The following ZNF385D variants were observed in gnomAD, a reference collection of about 807,000 sequenced individuals.
The protein encoded by ZNF385D is zinc finger protein 659.
In ZNF385D, 15 loss-of-function variants were observed where a neutral mutation model predicts 35.8. The observed-to-expected ratio is 0.42, with a 90% CI of 0.28 to 0.64. ZNF385D has a LOEUF of 0.64. Ranked by LOEUF, ZNF385D falls within the 30% of genes least tolerant of loss-of-function variation. The pLI, the probability that ZNF385D is intolerant of heterozygous loss-of-function variation, is 0.23. For missense variants in ZNF385D, 474 were observed against 494.6 expected (o/e 0.96, Z 0.39); for synonymous variants, 212 against 186.8 (o/e 1.13, Z -1.10).
chr3:22,226,235 T>C (rs1031202107), intron 2 of ZNF385D, among the ~76,000 whole-genome samples: 1 of 152,176 alleles, frequency 6.6e-6, no homozygotes, highest in Non-Finnish European at 1.5e-5. Flanking sequence ...AGTATTCACT[T>C]TTACCACAGC....
At chr3:22,315,463 T>A (rs932598412) in intron 2 of ZNF385D, among the ~76,000 whole-genome samples, 1 of 152,218 alleles carries the variant, frequency 6.6e-6, no homozygotes, top group Non-Finnish European at 1.5e-5. Flanking sequence ...ACACAGTTTA[T>A]GTTACACAAA....
chr3:22,187,600 A>G (rs1031046975), intron 2 of ZNF385D, among the ~76,000 whole-genome samples: 25 of 152,152 alleles, frequency 1.6e-4, no homozygotes, highest in Non-Finnish European at 3.5e-4. Flanking sequence ...AAGGGAACAA[A>G]GTTCTCATGA....
chr3:21,666,740 T>C (rs1385379419), intron 1 of ZNF385D, among the ~76,000 whole-genome samples: 1 of 152,196 alleles, frequency 6.6e-6, no homozygotes, highest in Admixed American at 6.5e-5. Context: ...TTATTAAAAA[T>C]TTTAAAAACC....
At chr3:22,137,304 C>A (rs2125696816) in intron 3 of ZNF385D, among the ~76,000 whole-genome samples, 1 of 152,214 alleles carries the variant, frequency 6.6e-6, no homozygotes, top group Admixed American at 6.5e-5. Context: ...CGAGGGAATC[C>A]TCCCTAACTC....
At chr3:21,652,709 G>A (rs570999775) in intron 2 of ZNF385D, among the ~76,000 whole-genome samples, 1 of 148,554 alleles carries the variant, frequency 6.7e-6, no homozygotes, top group East Asian at 2.0e-4. Context: ...CCACCTATGA[G>A]TGAGAACATG....
intron 3 of ZNF385D, among the ~76,000 whole-genome samples, chr3:22,139,061 T>C (rs549640341): frequency 6.0e-4 from 91 of 151,478 alleles, no homozygotes; most frequent in African/African-American, 2.1e-3. Flanking sequence ...ACAGACACAA[T>C]GAGATACCAT....
intron 3 of ZNF385D, among the ~76,000 whole-genome samples, chr3:21,895,467 A>G (rs896450863): frequency 4.0e-5 from 6 of 150,426 alleles, no homozygotes; most frequent in Non-Finnish European, 5.9e-5. Context: ...GCTGGGGACT[A>G]CAGGCTCATA....
At chr3:22,261,422 A>T (rs1245982023) in intron 2 of ZNF385D, among the ~76,000 whole-genome samples, 1 of 152,050 alleles carries the variant, frequency 6.6e-6, no homozygotes, top group African/African-American at 2.4e-5. Flanking sequence ...GTAAATAATC[A>T]TTAAAGCTAA....
chr3:21,643,886 T>TCGAACAA (rs2065677201), intron 2 of ZNF385D, among the ~76,000 whole-genome samples: 1 of 152,112 alleles, frequency 6.6e-6, no homozygotes, highest in African/African-American at 2.4e-5. Flanking sequence ...AGTGCTGGTT[T>TCGAACAA]AGAACAAAGG....
At chr3:22,127,931 A>G (rs1703536357) in intron 3 of ZNF385D, among the ~76,000 whole-genome samples, 1 of 152,146 alleles carries the variant, frequency 6.6e-6, no homozygotes, top group Non-Finnish European at 1.5e-5. Context: ...TAGTTTACAT[A>G]CCAGAACTGC....
At chr3:21,570,163 G>A (rs901496790) in intron 2 of ZNF385D, among the ~76,000 whole-genome samples, 6 of 151,934 alleles carry the variant, frequency 3.9e-5, no homozygotes, top group South Asian at 2.1e-4. Context: ...CTATTGACAC[G>A]CTTACCCAAA....
chr3:21,988,805 G>C (rs1165017613), intron 3 of ZNF385D, among the ~76,000 whole-genome samples: 1 of 152,094 alleles, frequency 6.6e-6, no homozygotes, highest in African/African-American at 2.4e-5. Flanking sequence ...AGACTGCTGT[G>C]CTAGCAATCA....
At chr3:22,073,565 A>G (rs1700327219) in intron 3 of ZNF385D, among the ~76,000 whole-genome samples, 2 of 152,018 alleles carry the variant, frequency 1.3e-5, no homozygotes, top group African/African-American at 4.8e-5. Flanking sequence ...GGAATAAAAA[A>G]GCAAGGGTTC....
intron 3 of ZNF385D, among the ~76,000 whole-genome samples, chr3:22,108,052 T>G (rs1238091311): frequency 6.6e-6 from 1 of 151,084 alleles, no homozygotes; most frequent in African/African-American, 2.4e-5. Flanking sequence ...TAGATGTCAG[T>G]GTATTGATCT....
chr3:21,869,169 T>G (rs1684511), intron 3 of ZNF385D, among the ~76,000 whole-genome samples: 1 of 151,810 alleles, frequency 6.6e-6, no homozygotes, highest in Non-Finnish European at 1.5e-5. Flanking sequence ...ATTAAGCCAA[T>G]AGAAAGAGAT....
chr3:21,419,120 A>T lies in ZNF385D; in HGVS notation c.*2094T>A, dbSNP rs1406586379. Reference sequence around the variant, plus strand: ...CTTTCTACCAGAATACTGATGGAACACATTATCTTCCTTTCTTCCTTCCTT... The same window carrying T: ...CTTTCTACCAGAATACTGATGGAACTCATTATCTTCCTTTCTTCCTTCCTT... On this transcript the variant is annotated 3_prime_UTR_variant, in exon 8 of 8. Transcript: ENST00000281523. The T allele has an allele frequency of 3.3e-5, 5 of 153,482 alleles. No homozygotes were observed. The highest frequency in any genetic ancestry group is 1.2e-4 in the African/African-American group (5 of 41,438). The allele number at this position is 153,482 out of a possible 1,614,324, so 9.5% of individuals were successfully genotyped here.
At chr3:22,014,007 A>T (rs979932213) in intron 3 of ZNF385D, among the ~76,000 whole-genome samples, 6 of 152,204 alleles carry the variant, frequency 3.9e-5, no homozygotes, top group African/African-American at 1.2e-4. Flanking sequence ...GGCAGGACAG[A>T]TTGCAAAAAC....
intron 3 of ZNF385D, among the ~76,000 whole-genome samples, chr3:21,988,527 C>G (rs1431310343): frequency 6.9e-6 from 1 of 145,590 alleles, no homozygotes; most frequent in Non-Finnish European, 1.5e-5. Context: ...TCTGCCCGTT[C>G]TCAGATCTCC....
intron 2 of ZNF385D, among the ~76,000 whole-genome samples, chr3:22,287,915 G>A (rs771764536): frequency 2.0e-5 from 3 of 151,764 alleles, no homozygotes; most frequent in Admixed American, 6.6e-5. Flanking sequence ...TAAAAATTTT[G>A]TTAGCACTTT....
Sources: allele counts gnomAD v4.1 joint callset (sites outside exome capture counted in the v4.1 genomes callset), GRCh38; gene constraint gnomAD v4.1.1; transcripts MANE v1.5; gene names NCBI Gene and HGNC (gene_info 2026-07-23, HGNC 2026-07-21).